CDAN1: variants seen among roughly 807,000 people sequenced by gnomAD.
CDAN1 encodes codanin 1.
Under a neutral mutation model 139.8 loss-of-function variants are expected in CDAN1, and 107 were observed. The observed-to-expected ratio is 0.77, with a 90% CI of 0.65 to 0.90. The LOEUF is 0.90. Among genes scored for constraint, CDAN1 ranks in the 40% least tolerant of loss-of-function variants. The pLI is 0.00. For synonymous variants in CDAN1, 776 were observed against 660.6 expected (o/e 1.17, Z -2.68); for missense variants, 1,667 against 1,575.7 (o/e 1.06, Z -0.98).
At position 42,729,807 on chromosome 15, in the gene CDAN1, C is replaced by G. The variant is rs751016160; in HGVS notation, c.2341G>C (p.Glu781Gln). The G allele has an allele frequency of 1.2e-6, 2 of 1,613,696 alleles. No individual in the cohort carries two copies. Among genetic ancestry groups the G allele is most frequent in the Non-Finnish European group, 1.7e-6 (2 of 1,179,796 alleles). ...ACCCCAGCACTCACCAAGCCATGCT[C>G]TGGGGCTACTGTGTCCACCTCAAAG... Reference protein sequence around the residue: ...YAFEVDTVAPEHGLDNAPVVD... With the variant: ...YAFEVDTVAPQHGLDNAPVVD... Residue 781 changes from glutamate (E) to glutamine (Q), a missense_variant, in exon 16 of 28, where the codon GAG becomes CAG. By Grantham distance (29) the Glu-to-Gln change is conservative. Around this residue, in one of 3 missense-constraint regions of CDAN1, gnomAD observed 936 missense variants for 844.1 expected, o/e 1.11. Coordinates refer to ENST00000356231, the MANE Select transcript of CDAN1 (RefSeq NM_138477.4).
intron 11 of CDAN1, 136 bp downstream of exon 11, chr15:42,731,484 T>G (rs887008261): frequency 7.1e-7 from 1 of 1,400,254 alleles, no homozygotes; most frequent in Non-Finnish European, 1.0e-6. Flanking sequence ...GAATGAGAAG[T>G]GCAATGAAGC....
Position 42,731,016 on chromosome 15 carries a change from A to G in CDAN1, c.1916T>C (p.Phe639Ser). The G allele has an allele frequency of 6.2e-7, 1 of 1,614,204 alleles. No homozygotes were observed. The highest frequency in any genetic ancestry group is 8.5e-7 in the Non-Finnish European group (1 of 1,180,038). Reference protein sequence around the residue: ...VLLSLRLLAKFLGFVAFLPYR... With the variant: ...VLLSLRLLAKSLGFVAFLPYR... The stretch of plus-strand genomic sequence containing the variant: ...TGGCAGGAAAGCCACAAAGCCCAGG[A>G]ATTTAGCCAAAAGTCTCAGGCTAAG... Residue 639 changes from phenylalanine to serine, a missense_variant, in exon 13 of 28, where the codon TTC becomes TCC. Physicochemically the swap from Phe to Ser is radical, Grantham distance 155. This residue lies in a region of CDAN1 where 936 missense variants were observed against 844.1 expected (regional missense o/e 1.11). Transcript: ENST00000356231.
chr15:42,731,861 TCAG>T lies in CDAN1; in HGVS notation c.1534-39_1534-37del, dbSNP rs748316334. 23 of 1,599,388 alleles carry T rather than the reference TCAG, an allele frequency of 1.4e-5. No homozygotes were observed. The East Asian group carries it at 4.7e-4, about 33-fold the overall frequency. On this transcript the variant is annotated intron_variant, in intron 10 of 27. Coordinates refer to ENST00000356231, the MANE Select transcript of CDAN1 (RefSeq NM_138477.4). ...AGAGGAAGGAGAGAAATTAAAAAAATCAGCAAGTGGGAGGGAAGGACTGAACAA... is the reference window on the plus strand; with the variant it reads ...AGAGGAAGGAGAGAAATTAAAAAAATCAAGTGGGAGGGAAGGACTGAACAA...
At chr15:42,724,760 CTGTT>C (rs1340642129) in intron 27 of CDAN1, 144 bp from the exon 28 acceptor site, 58 of 1,080,088 alleles carry the variant, frequency 5.4e-5, no homozygotes, top group South Asian at 4.1e-4. Flanking sequence ...GAAACCTTGT[CTGTT>C]TGTTAGTACT....
Position 42,736,560 on chromosome 15 carries a change from G to A in CDAN1, c.311C>T (p.Thr104Ile). The stretch of plus-strand genomic sequence containing the variant: ...CTCGGCAGCGGTGCTCTGGGCCTCG[G>A]TCGGAGGGAAAAGCTGGCTGCGCGC... ...RGARSQLFPP[T>I]EAQSTAAEAP... The change falls in exon 2 of 28, where the codon ACC becomes ATC. Residue 104 changes from threonine to isoleucine, a missense_variant. Thr to Ile is a moderately conservative substitution (Grantham distance 89). Around this residue, in one of 3 missense-constraint regions of CDAN1, gnomAD observed 487 missense variants for 422.2 expected, o/e 1.15. Transcript: ENST00000356231. The A allele has an allele frequency of 6.7e-7, 1 of 1,485,208 alleles. No homozygotes were observed. The highest frequency in any genetic ancestry group is 8.9e-7 in the Non-Finnish European group (1 of 1,120,192). 92.0% of individuals were successfully genotyped at this position (1,485,208 alleles called of 1,614,324 possible).
intron 6 of CDAN1, among the ~76,000 whole-genome samples, chr15:42,734,859 C>T (rs1299215133): frequency 6.7e-6 from 1 of 149,258 alleles, no homozygotes; most frequent in Non-Finnish European, 1.5e-5. Flanking sequence ...GCCTAAGTCA[C>T]TGTCCTGCCT....
intron 19 of CDAN1, 31 bp from the exon 20 acceptor site, chr15:42,728,841 T>C: frequency 6.2e-7 from 1 of 1,614,036 alleles, no homozygotes. Context: ...TTGGGGATGG[T>C]TGGAGGGTTA....
chr15:42,725,363 A>G (rs2061510710), intron 26 of CDAN1, 112 bp from the exon 27 acceptor site: 3 of 1,467,886 alleles, frequency 2.0e-6, no homozygotes, highest in Non-Finnish European at 1.9e-6. Context: ...AGATGGATAA[A>G]TGGAGCCCAT....
In CDAN1 at chr15:42,736,296, T is replaced by G; in HGVS notation, c.569+6A>C. The stretch of plus-strand genomic sequence containing the variant: ...ACCCATCTCCTGCATGAGAGCTGAG[T>G]CTCACCCTGTAGGGCCGGGGGGAAC... On this transcript the variant is annotated splice_donor_region_variant and intron_variant, in intron 2 of 27. Transcript: ENST00000356231. 6.2e-7 allele frequency: 1 copy of G among 1,613,458 alleles called. No individual in the cohort carries two copies. The highest frequency in any genetic ancestry group is 8.5e-7 in the Non-Finnish European group (1 of 1,179,936).
In CDAN1 at chr15:42,727,605, T is replaced by C. The variant is rs1253737741; in HGVS notation, c.3096+16A>G. The C allele has an allele frequency of 1.3e-6, 2 of 1,537,688 alleles. No individual in the cohort carries two copies. Among genetic ancestry groups the C allele is most frequent in the Non-Finnish European group, 1.8e-6 (2 of 1,137,564 alleles). On this transcript the variant is annotated intron_variant, in intron 23 of 27. Coordinates refer to ENST00000356231, the MANE Select transcript of CDAN1 (RefSeq NM_138477.4). ...GTGGGAGCAGGGAAGCCAAAGGGAG[T>C]AGGGTAGCCGTGTACTTTTATCTCG...
At chr15:42,730,104 A>C (rs973249280) in intron 15 of CDAN1, 24 bp downstream of exon 15, 2 of 1,607,252 alleles carry the variant, frequency 1.2e-6, no homozygotes, top group Non-Finnish European at 1.7e-6. Context: ...ACCTCTCTCC[A>C]ATCTGGACCC....
At position 42,725,491 on chromosome 15, in the gene CDAN1, C is replaced by T. The variant is rs1464497888; in HGVS notation, c.3448G>A (p.Glu1150Lys). ...VGLLADTRPR[E>K]WDLLLFLLRE... ...GCTTCTTGTTCCGTCTGACTCACCT[C>T]CCTTGGCCTTGTGTCTGCCAGAAGC... The change falls in exon 26 of 28, where the codon GAG becomes AAG. Residue 1150 changes from glutamate to lysine, a missense_variant and splice_region_variant. Coordinates refer to ENST00000356231, the MANE Select transcript of CDAN1 (RefSeq NM_138477.4). The T allele has an allele frequency of 1.2e-6, 2 of 1,614,194 alleles. No individual in the cohort carries two copies. The highest frequency in any genetic ancestry group is 1.7e-5 in the Admixed American group (1 of 60,014).
intron 12 of CDAN1, 50 bp downstream of exon 12, chr15:42,731,161 C>A: frequency 6.2e-7 from 1 of 1,614,192 alleles, no homozygotes; most frequent in Non-Finnish European, 8.5e-7. Context: ...GAACATACTC[C>A]CTTCCCTCCT....
intron 6 of CDAN1, among the ~76,000 whole-genome samples, chr15:42,734,779 CTTTTT>C (rs11434933): frequency 1.8e-5 from 2 of 110,520 alleles, no homozygotes. Flanking sequence ...CACACCCGGC[CTTTTT>C]TTTTTTTTTT....
chr15:42,736,193 C>A (rs773074188), intron 2 of CDAN1, 109 bp downstream of exon 2: 9 of 1,577,426 alleles, frequency 5.7e-6, no homozygotes, highest in Non-Finnish European at 7.7e-6. Flanking sequence ...TCACCATCAC[C>A]CCCAGCCTTC....
chr15:42,733,137 G>GCT lies in CDAN1; in HGVS notation c.1415_1416dup (p.Pro473SerfsTer17). 6.2e-7 allele frequency: 1 copy of GCT among 1,613,982 alleles called. No homozygotes were observed. The highest frequency in any genetic ancestry group is 8.5e-7 in the Non-Finnish European group (1 of 1,179,974). On this transcript the variant is annotated frameshift_variant, in exon 9 of 28. Transcript: ENST00000356231. LOFTEE classifies it high-confidence loss of function. The stretch of plus-strand genomic sequence containing the variant: ...AAGCCCTTCTCAAAATCCCAGCCAG[G>GCT]CTCCTCATGGTGATCTTCCCACTCT...
At chr15:42,733,213 C>T (rs930982240) in intron 8 of CDAN1, 27 bp from the exon 9 acceptor site, 27 of 1,598,194 alleles carry the variant, frequency 1.7e-5, no homozygotes, top group Non-Finnish European at 2.0e-5. Context: ...CCTGATCAGC[C>T]GAGGCACTCA....
chr15:42,737,071 T>C lies in CDAN1; in HGVS notation c.32A>G (p.Glu11Gly), dbSNP rs1214359424. 6.6e-7 allele frequency: 1 copy of C among 1,522,116 alleles called. No individual in the cohort carries two copies. The highest frequency in any genetic ancestry group is 2.0e-5 in the Admixed American group (1 of 49,782). 94.3% of individuals were successfully genotyped at this position (1,522,116 alleles called of 1,614,324 possible). A position where few individuals can be genotyped will look rare whatever the true frequency, so the allele number is the denominator to read the frequency against. Residue 11 changes from glutamate (E) to glycine (G), a missense_variant, in exon 1 of 28, where the codon GAA becomes GGA. By Grantham distance (98) the Glu-to-Gly change is moderately conservative (BLOSUM62 -2). Transcript: ENST00000356231. ...CACGACGGCTGCGACCGACACCTCT[T>C]CTCGCAGCAGCGACTCCAAAACGGC... MAAVLESLLR[E>G]EVSVAAVVRW...
In CDAN1 at chr15:42,736,024, G is replaced by C. The variant is rs112317805; in HGVS notation, c.624C>G (p.Leu208=). ...AGGTGAAGCAGGTCTTGGGCTTGGA[G>C]AGTGACCGCTCTTCGCTCACCGGAG... The part of the protein sequence containing the change: ...NPTPVSEERS[L]SKPKTCFTSP... The change falls in exon 3 of 28, where the codon CTC becomes CTG. Residue 208 remains leucine, a synonymous_variant. Transcript: ENST00000356231. 2.2e-5 allele frequency: 36 copies of C among 1,614,174 alleles called. No individual in the cohort carries two copies. The highest frequency in any genetic ancestry group is 3.1e-5 in the Non-Finnish European group (36 of 1,180,034).
Sources: allele counts gnomAD v4.1 joint callset (sites outside exome capture counted in the v4.1 genomes callset), GRCh38; gene constraint gnomAD v4.1.1; regional missense constraint gnomAD v4.1.1; transcripts MANE v1.5; gene names NCBI Gene and HGNC (gene_info 2026-07-23, HGNC 2026-07-21).